MKLN1: variants seen among roughly 807,000 people sequenced by gnomAD.
MKLN1 encodes the protein muskelin 1.
MKLN1 carries 18 observed loss-of-function variants against 99.0 expected under a neutral mutation model. That is an observed-to-expected ratio of 0.18 (90% CI 0.13 to 0.27). The LOEUF is 0.27. MKLN1 is among the 10% of genes least tolerant of loss of function. MKLN1 has a pLI of 1.00. For missense variants in MKLN1, 621 were observed against 875.9 expected, an observed-to-expected ratio of 0.71 and a Z score of 3.67; for synonymous variants, 288 against 293.2, an observed-to-expected ratio of 0.98 and a Z score of 0.18.
intron 2 of MKLN1, among the ~76,000 whole-genome samples, chr7:131,175,157 G>C (rs1379797937): frequency 9.8e-5 from 7 of 71,266 alleles, no homozygotes; most frequent in Non-Finnish European, 1.4e-4. Context: ...TGGATGGATA[G>C]ATAGATAGAT....
At chr7:131,403,855 C>T (rs750983802) in intron 6 of MKLN1, among the ~76,000 whole-genome samples, 42 of 152,026 alleles carry the variant, frequency 2.8e-4, no homozygotes, top group African/African-American at 8.9e-4. Context: ...TGAAACATTA[C>T]GAGAATTACT....
At chr7:131,225,515 A>G (rs1797134157) in intron 3 of MKLN1, among the ~76,000 whole-genome samples, 1 of 152,160 alleles carries the variant, frequency 6.6e-6, no homozygotes, top group Non-Finnish European at 1.5e-5. Context: ...CCCTAATGTC[A>G]GTGTCAGGTC....
chr7:131,257,906 G>A (rs962899542), intron 3 of MKLN1, among the ~76,000 whole-genome samples: 2 of 152,086 alleles, frequency 1.3e-5, no homozygotes, highest in African/African-American at 4.8e-5. Context: ...GATCACTTGA[G>A]TGCAGGAGTT....
At chr7:131,368,646 C>T (rs1483281107) in intron 1 of MKLN1, among the ~76,000 whole-genome samples, 2 of 152,074 alleles carry the variant, frequency 1.3e-5, no homozygotes, top group Admixed American at 1.3e-4. Context: ...GGGGGAAATT[C>T]GCCCCCCCAT....
chr7:131,136,903 C>T (rs1795657350), intron 1 of MKLN1, among the ~76,000 whole-genome samples: 2 of 152,180 alleles, frequency 1.3e-5, no homozygotes, highest in Non-Finnish European at 2.9e-5. Flanking sequence ...GTAGTTCAAT[C>T]GCCACACCTA....
At chr7:131,230,424 G>T (rs1797224521) in intron 3 of MKLN1, among the ~76,000 whole-genome samples, 1 of 152,152 alleles carries the variant, frequency 6.6e-6, no homozygotes, top group Non-Finnish European at 1.5e-5. Context: ...AAATCCCAGT[G>T]GTGGGGATGA....
chr7:131,185,616 G>A (rs955611272), intron 2 of MKLN1, among the ~76,000 whole-genome samples: 3 of 151,956 alleles, frequency 2.0e-5, no homozygotes, highest in Non-Finnish European at 4.4e-5. Flanking sequence ...TTTCCCAGGA[G>A]TAGAAATGGA....
intron 1 of MKLN1, among the ~76,000 whole-genome samples, chr7:131,142,118 A>G (rs1235269919): frequency 6.6e-6 from 1 of 151,180 alleles, no homozygotes; most frequent in Non-Finnish European, 1.5e-5. Flanking sequence ...CTACAAAAAC[A>G]AAAAAAAGGC....
intron 2 of MKLN1, among the ~76,000 whole-genome samples, chr7:131,158,789 G>A (rs1441935625): frequency 2.0e-5 from 3 of 152,304 alleles, no homozygotes; most frequent in African/African-American, 7.2e-5. Context: ...AGGCTGCCCA[G>A]TGCCATTGGC....
chr7:131,335,929 G>A (rs767529364), intron 1 of MKLN1, among the ~76,000 whole-genome samples: 32 of 150,956 alleles, frequency 2.1e-4, no homozygotes, highest in Non-Finnish European at 4.1e-4. Context: ...ACTTTGTTAA[G>A]TTCAAGTTTG....
chr7:131,296,782 G>A (rs1798297372), intron 3 of MKLN1, among the ~76,000 whole-genome samples: 1 of 152,078 alleles, frequency 6.6e-6, no homozygotes. Flanking sequence ...TGTCACCCAG[G>A]CTGGAGTGTA....
At chr7:131,382,944 C>T (rs1463810115) in intron 2 of MKLN1, among the ~76,000 whole-genome samples, 4 of 151,932 alleles carry the variant, frequency 2.6e-5, no homozygotes, top group Non-Finnish European at 4.4e-5. Context: ...AGGATGGTCT[C>T]GATCTCTTGA....
chr7:131,461,001 G>A (rs769334001), intron 12 of MKLN1, among the ~76,000 whole-genome samples: 2 of 152,098 alleles, frequency 1.3e-5, no homozygotes, highest in Non-Finnish European at 2.9e-5. Context: ...GCCTTATTAA[G>A]AAAATACAAT....
intron 9 of MKLN1, among the ~76,000 whole-genome samples, chr7:131,433,908 A>T (rs1349422679): frequency 2.8e-5 from 4 of 141,460 alleles, no homozygotes; most frequent in Non-Finnish European, 6.1e-5. Context: ...TTTGAGACAG[A>T]GTTTTGCTCT....
At chr7:131,485,500 C>G (rs1321409337) in intron 17 of MKLN1, among the ~76,000 whole-genome samples, 1 of 152,050 alleles carries the variant, frequency 6.6e-6, no homozygotes, top group African/African-American at 2.4e-5. Context: ...CAGTCTCAAA[C>G]TATCTCCCTA....
At chr7:131,407,755 C>G (rs1352972656) in intron 6 of MKLN1, among the ~76,000 whole-genome samples, 1 of 150,910 alleles carries the variant, frequency 6.6e-6, no homozygotes, top group Non-Finnish European at 1.5e-5. Flanking sequence ...ATTCTCTTTC[C>G]TATTACTTTC....
chr7:131,331,619 C>CAAT (rs1247581669), intron 1 of MKLN1, among the ~76,000 whole-genome samples: 1 of 151,818 alleles, frequency 6.6e-6, no homozygotes, highest in Non-Finnish European at 1.5e-5. Context: ...ACCCCATCTG[C>CAAT]AATAATAATA....
At chr7:131,128,114 T>C (rs931776878) in intron 1 of MKLN1, among the ~76,000 whole-genome samples, 2 of 150,866 alleles carry the variant, frequency 1.3e-5, no homozygotes, top group African/African-American at 2.4e-5. Context: ...TCCAACCATA[T>C]ATGAGCAGGC....
At chr7:131,430,326 A>G (rs1563344280) in intron 9 of MKLN1, among the ~76,000 whole-genome samples, 1 of 152,050 alleles carries the variant, frequency 6.6e-6, no homozygotes, top group Non-Finnish European at 1.5e-5. Flanking sequence ...TATTTTTTCA[A>G]ATAGATGTTG....
Sources: gnomAD v4.1 joint callset for allele counts (sites outside exome capture counted in the v4.1 genomes callset) on GRCh38, gnomAD v4.1.1 for gene constraint, MANE v1.5 for transcripts, NCBI Gene and HGNC (gene_info 2026-07-23, HGNC 2026-07-21) for gene names.